The following NXPE1 variants were observed in gnomAD, a reference collection of about 807,000 sequenced individuals.
The protein encoded by NXPE1 is NXPE family member 1.
A neutral mutation model predicts 33.3 loss-of-function variants in NXPE1; 31 were observed. The ratio of observed to expected loss-of-function variants is 0.93; its 90% CI spans 0.70 to 1.26. The LOEUF is 1.26. NXPE1 is among the 50% of genes most tolerant of loss of function. The probability of loss-of-function intolerance (pLI) is 0.00; values close to 1 mark genes in which losing one functional copy is unlikely to be tolerated. For missense variants in NXPE1, 661 were observed against 655.6 expected (o/e 1.01, Z -0.09); for synonymous variants, 229 against 231.4 (o/e 0.99, Z 0.09).
rs1447237111 is a variant in NXPE1, at chr11:114,530,813, T to C, written c.195A>G (p.Pro65=). The stretch of plus-strand genomic sequence containing the variant: ...TTATTCTGAGTTCAGTCTCTGTTAG[T>C]GGCTTTAATGGTATCAGTGATGTTT... Residue 65 remains proline (P), a synonymous_variant, in exon 6 of 9, where the codon CCA becomes CCG. Coordinates refer to ENST00000534921, the Ensembl canonical transcript of NXPE1. 4.3e-6 allele frequency: 7 copies of C among 1,614,100 alleles called. No homozygotes were observed. The Admixed American group carries it at 1.2e-4, about 27-fold the overall frequency.
intron 5 of NXPE1, 139 bp downstream of exon 5, chr11:114,550,964 T>C (rs1399855437): frequency 1.8e-6 from 1 of 571,196 alleles, no homozygotes; most frequent in Non-Finnish European, 3.1e-6. Context: ...CTCTAAGGAG[T>C]TAGGTAGAGA....
intron 5 of NXPE1, among the ~76,000 whole-genome samples, chr11:114,533,010 T>C (rs1009539076): frequency 6.6e-6 from 1 of 152,194 alleles, no homozygotes; most frequent in African/African-American, 2.4e-5. Context: ...TTAAACATTT[T>C]AAAAGTCAAG....
At chr11:114,531,515 G>A (rs1947583025) in intron 5 of NXPE1, among the ~76,000 whole-genome samples, 1 of 152,264 alleles carries the variant, frequency 6.6e-6, no homozygotes, top group Middle Eastern at 3.4e-3. Context: ...CCTTTTTAAA[G>A]CAAAACTCTA....
At chr11:114,541,910 C>G (rs1341510459) in intron 5 of NXPE1, among the ~76,000 whole-genome samples, 2 of 150,822 alleles carry the variant, frequency 1.3e-5, no homozygotes, top group Non-Finnish European at 3.0e-5. Context: ...TCTGTTAGAT[C>G]AAGTTTATGT....
chr11:114,551,773 A>T (rs1186622475), intron 3 of NXPE1, among the ~76,000 whole-genome samples: 1 of 152,146 alleles, frequency 6.6e-6, no homozygotes, highest in African/African-American at 2.4e-5. Context: ...AGATGATCCA[A>T]TAAGGCTGGG....
At chr11:114,550,161 A>C (rs1948424359) in intron 5 of NXPE1, among the ~76,000 whole-genome samples, 1 of 152,180 alleles carries the variant, frequency 6.6e-6, no homozygotes, top group Non-Finnish European at 1.5e-5. Flanking sequence ...TATACATTTA[A>C]TAAAATCACA....
chr11:114,554,724 T>C (rs1481536135), intron 1 of NXPE1, among the ~76,000 whole-genome samples: 1 of 152,260 alleles, frequency 6.6e-6, no homozygotes, highest in Non-Finnish European at 1.5e-5. Context: ...TTCAAGTCGC[T>C]AAGCCACAGG....
chr11:114,521,033 T>G (rs529347046), downstream of NXPE1, among the ~76,000 whole-genome samples: 13 of 152,336 alleles, frequency 8.5e-5, no homozygotes, highest in African/African-American at 3.1e-4. Flanking sequence ...GATCTCTGCC[T>G]TATTTACTTA....
At chr11:114,527,709 T>G in intron 7 of NXPE1, 131 bp downstream of exon 7, 1 of 572,206 alleles carries the variant, frequency 1.7e-6, no homozygotes, top group Non-Finnish European at 3.0e-6. Context: ...ATTTCTCCCT[T>G]TAAAGTCCAG....
At chr11:114,532,571 A>G (rs561961441) in intron 5 of NXPE1, among the ~76,000 whole-genome samples, 11 of 152,170 alleles carry the variant, frequency 7.2e-5, no homozygotes, top group Non-Finnish European at 1.5e-4. Flanking sequence ...TCCCTAACTT[A>G]TATAACAAGG....
rs1291028412 is a variant in NXPE1, at chr11:114,527,960, A to T, written c.834-59T>A. 8.4e-6 allele frequency: 11 copies of T among 1,310,608 alleles called. No individual in the cohort carries two copies. In the South Asian group the frequency reaches 1.2e-4, roughly 14 times the overall value. 81.2% of individuals were successfully genotyped at this position (1,310,608 alleles called of 1,614,324 possible). ...GCTCTCTGCCCATGTAACACAGGTG[A>T]ATCATCTGCTTGTGAGTGAAGGAAA... On this transcript the variant is annotated intron_variant, in intron 6 of 8. Transcript: ENST00000534921.
At chr11:114,531,657 T>G (rs1434871263) in intron 5 of NXPE1, among the ~76,000 whole-genome samples, 1 of 152,204 alleles carries the variant, frequency 6.6e-6, no homozygotes, top group African/African-American at 2.4e-5. Context: ...TTGCTTTTGA[T>G]GTCTTGACAA....
intron 1 of NXPE1, among the ~76,000 whole-genome samples, chr11:114,559,451 C>T (rs1283149758): frequency 6.6e-6 from 1 of 152,210 alleles, no homozygotes; most frequent in African/African-American, 2.4e-5. Context: ...TTCTTCCTCT[C>T]TCCAACTAGA....
intron 5 of NXPE1, among the ~76,000 whole-genome samples, chr11:114,538,870 G>T (rs997450877): frequency 1.3e-5 from 2 of 152,188 alleles, no homozygotes; most frequent in African/African-American, 2.4e-5. Context: ...GTGGAAGTCA[G>T]TGTGGTGATT....
At chr11:114,536,059 G>T (rs1947809834) in intron 5 of NXPE1, among the ~76,000 whole-genome samples, 1 of 152,126 alleles carries the variant, frequency 6.6e-6, no homozygotes, top group South Asian at 2.1e-4. Flanking sequence ...AAATGTAAAA[G>T]AACAGAAATT....
At chr11:114,546,036 A>G (rs1272153347) in intron 5 of NXPE1, among the ~76,000 whole-genome samples, 1 of 152,184 alleles carries the variant, frequency 6.6e-6, no homozygotes, top group African/African-American at 2.4e-5. Context: ...AAGGAGATTG[A>G]GGGACTAAAT....
intron 5 of NXPE1, 121 bp from the exon 6 acceptor site, chr11:114,531,029 A>AAT: frequency 9.3e-7 from 1 of 1,071,266 alleles, no homozygotes; most frequent in Non-Finnish European, 1.2e-6. Flanking sequence ...TTTGTTACCA[A>AAT]ATTGAATATT....
chr11:114,537,902 G>A (rs886938769), intron 5 of NXPE1, among the ~76,000 whole-genome samples: 13 of 152,172 alleles, frequency 8.5e-5, no homozygotes, highest in South Asian at 8.3e-4. Flanking sequence ...AGCTACCAAT[G>A]ACTTTCTTCA....
At chr11:114,546,797 G>A (rs753341852) in intron 5 of NXPE1, among the ~76,000 whole-genome samples, 17 of 151,970 alleles carry the variant, frequency 1.1e-4, no homozygotes, top group African/African-American at 3.1e-4. Context: ...TTGTAGTGTC[G>A]GAAAGCAAGA....
Sources: gnomAD v4.1 joint callset for allele counts (sites outside exome capture counted in the v4.1 genomes callset) on GRCh38, gnomAD v4.1.1 for gene constraint, MANE v1.5 for transcripts, NCBI Gene and HGNC (gene_info 2026-07-23, HGNC 2026-07-21) for gene names.